FAAH2: variants seen among roughly 807,000 people sequenced by gnomAD.
FAAH2 encodes the protein fatty-acid amide hydrolase 2.
In FAAH2, 60 loss-of-function variants were observed where a neutral mutation model predicts 36.9. The ratio of observed to expected loss-of-function variants is 1.63; its 90% CI spans 1.32 to 2.02. The LOEUF is 2.02. Among genes scored for constraint, FAAH2 ranks in the 30% most tolerant of loss-of-function variants. The pLI is 0.00. For synonymous variants in FAAH2, 214 were observed against 143.8 expected (o/e 1.49, Z -3.49); for missense variants, 689 against 397.5 (o/e 1.73, Z -6.23).
At chrX:57,341,250 A>G (rs1252237399) in intron 4 of FAAH2, 21 bp from the exon 5 acceptor site, 1 of 1,186,825 alleles carries the variant, frequency 8.4e-7, no homozygotes, top group Non-Finnish European at 1.1e-6. Flanking sequence ...TTTATTTGCA[A>G]GTATTTTGTG....
At chrX:57,237,424 A>T in the FAAH2 span, among the ~76,000 whole-genome samples, 5 of 111,104 alleles carry the variant, frequency 4.5e-5, no homozygotes, top group Admixed American at 9.6e-5. Context: ...GTGATTCTAG[A>T]GCATTTATTT....
At chrX:57,437,275 CTGAA>C (rs1250342582) in intron 8 of FAAH2, among the ~76,000 whole-genome samples, 2 of 110,983 alleles carry the variant, frequency 1.8e-5, no homozygotes, top group Non-Finnish European at 3.8e-5. Context: ...TAATATCACA[CTGAA>C]TGGAGAAAAG....
At chrX:57,295,170 A>G (rs2052098344) in intron 2 of FAAH2, among the ~76,000 whole-genome samples, 1 of 111,929 alleles carries the variant, frequency 8.9e-6, no homozygotes, top group Non-Finnish European at 1.9e-5. Context: ...GCTGTGGTTC[A>G]GAATTCTGAG....
chrX:57,327,092 C>T (rs1366863771), intron 3 of FAAH2, among the ~76,000 whole-genome samples: 1 of 108,418 alleles, frequency 9.2e-6, no homozygotes, highest in Non-Finnish European at 1.9e-5. Flanking sequence ...TTCTCCTGCA[C>T]TTATGAAGCT....
chrX:57,166,856 G>T, the FAAH2 span, among the ~76,000 whole-genome samples: 83 of 111,868 alleles, frequency 7.4e-4, no homozygotes, highest in African/African-American at 2.6e-3. Flanking sequence ...GATAAAAACT[G>T]ACTTGATCTT....
chrX:57,488,188 C>G (rs1351647291), intron 10 of FAAH2, among the ~76,000 whole-genome samples: 2 of 111,524 alleles, frequency 1.8e-5, no homozygotes, highest in Middle Eastern at 4.7e-3. Flanking sequence ...AATCATTAAA[C>G]TGTACATTTG....
In FAAH2 at chrX:57,310,687, C is replaced by G; in HGVS notation, c.370C>G (p.Leu124Val). 8.3e-7 allele frequency: 1 copy of G among 1,209,024 alleles called. No individual in the cohort carries two copies. The highest frequency in any genetic ancestry group is 3.0e-5 in the East Asian group (1 of 33,757). The part of the protein sequence containing the change: ...EATLENKWPF[L>V]GVPLTVKEAF... ...CACCCTGGAAAATAAATGGCCCTTC[C>G]TTGGGGTTCCTTTGACAGTCAAGGA... Residue 124 changes from leucine to valine, a missense_variant, in exon 3 of 11, where the codon CTT (leucine) becomes GTT (valine). Transcript: ENST00000374900.
At chrX:57,323,299 T>G (rs1426462831) in intron 3 of FAAH2, among the ~76,000 whole-genome samples, 3 of 111,788 alleles carry the variant, frequency 2.7e-5, no homozygotes, top group African/African-American at 6.5e-5. Flanking sequence ...AACATACGTG[T>G]GCATGTGTCT....
chrX:57,442,545 T>G (rs1398716439), intron 8 of FAAH2, among the ~76,000 whole-genome samples: 3 of 111,910 alleles, frequency 2.7e-5, no homozygotes, highest in African/African-American at 9.8e-5. Flanking sequence ...CACACTGATG[T>G]GTCTTGACTC....
intron 3 of FAAH2, among the ~76,000 whole-genome samples, chrX:57,324,354 T>G (rs1172647968): frequency 8.9e-6 from 1 of 112,120 alleles, no homozygotes; most frequent in African/African-American, 3.2e-5. Context: ...AACTTTAAAG[T>G]AGTTTTTTCC....
chrX:57,476,338 A>T (rs1239439423), intron 10 of FAAH2, among the ~76,000 whole-genome samples: 1 of 110,945 alleles, frequency 9.0e-6, no homozygotes, highest in Non-Finnish European at 1.9e-5. Context: ...TAAGTTTGTC[A>T]TAAATAGCTC....
the FAAH2 span, among the ~76,000 whole-genome samples, chrX:57,180,246 C>A: frequency 3.6e-5 from 4 of 111,248 alleles, no homozygotes; most frequent in Non-Finnish European, 7.6e-5. Flanking sequence ...TAGCAGAAGA[C>A]AAGAATTAAC....
At chrX:57,232,020 C>T in the FAAH2 span, among the ~76,000 whole-genome samples, 1 of 111,395 alleles carries the variant, frequency 9.0e-6, no homozygotes, top group Non-Finnish European at 1.9e-5. Context: ...AAGATTCAAG[C>T]CAGCCTAGGG....
rs1257632892 is a variant in FAAH2 at position 57,397,230 on chromosome X, T to A, written c.996+16201T>A. On this transcript the variant is annotated intron_variant, in intron 7 of 10. Coordinates refer to ENST00000374900, the MANE Select transcript of FAAH2 (RefSeq NM_174912.4). ...TTTTCATCCAATATGCCAGCCTATA[T>A]CTTTTAAGTGCAGTATTTAGGCCAT... is the stretch of plus-strand genomic sequence containing the variant. Among the ~76,000 whole-genome samples, 5 of 111,819 alleles carry A rather than the reference T, an allele frequency of 4.5e-5. No individual in the cohort carries two copies. In the East Asian group the frequency reaches 1.4e-3, roughly 31 times the overall value.
At chrX:57,449,633 A>C (rs2056747258) in intron 10 of FAAH2, among the ~76,000 whole-genome samples, 1 of 110,595 alleles carries the variant, frequency 9.0e-6, no homozygotes, top group African/African-American at 3.3e-5. Flanking sequence ...ACTCACTCTT[A>C]ATTTCTTCCT....
chrX:57,242,972 C>T, the FAAH2 span, among the ~76,000 whole-genome samples: 1 of 111,946 alleles, frequency 8.9e-6, no homozygotes, highest in Non-Finnish European at 1.9e-5. Context: ...TCAGTGGATC[C>T]CACCCCCGGA....
chrX:57,488,708 T>C, intron 10 of FAAH2, 49 bp from the exon 11 acceptor site: 1 of 1,154,193 alleles, frequency 8.7e-7, no homozygotes, highest in Admixed American at 2.5e-5. Context: ...AAAAATACGT[T>C]TTCAGGAACA....
intron 10 of FAAH2, among the ~76,000 whole-genome samples, chrX:57,478,693 GT>G (rs2057319467): frequency 9.0e-6 from 1 of 111,579 alleles, no homozygotes; most frequent in African/African-American, 3.3e-5. Context: ...TCCAGTTTCA[GT>G]TTTCTACATA....
chrX:57,376,134 T>A (rs1236178465), intron 5 of FAAH2, among the ~76,000 whole-genome samples: 2 of 111,690 alleles, frequency 1.8e-5, no homozygotes, highest in African/African-American at 6.5e-5. Context: ...CAGGCTGTAC[T>A]ATATCTATAC....
Sources: allele counts gnomAD v4.1 joint callset (sites outside exome capture counted in the v4.1 genomes callset), GRCh38; gene constraint gnomAD v4.1.1; transcripts MANE v1.5; gene names NCBI Gene and HGNC (gene_info 2026-07-23, HGNC 2026-07-21).